The following WDR75 variants were observed in gnomAD, a reference collection of about 807,000 sequenced individuals.
The protein encoded by WDR75 is WD repeat-containing protein 75.
In WDR75, 52 loss-of-function variants were observed where a neutral mutation model predicts 106.1. The ratio of observed to expected loss-of-function variants is 0.49; its 90% CI spans 0.39 to 0.62. WDR75 has a LOEUF of 0.62. Ranked by LOEUF, WDR75 falls within the 20% of genes least tolerant of loss-of-function variation. The pLI, the probability that WDR75 is intolerant of heterozygous loss-of-function variation, is 0.00. For missense variants in WDR75, 905 were observed against 970.3 expected (o/e 0.93, Z 0.89); for synonymous variants, 333 against 335.5 (o/e 0.99, Z 0.08).
intron 11 of WDR75, 82 bp from the exon 12 acceptor site, chr2:189,464,997 A>G: frequency 8.4e-6 from 9 of 1,065,506 alleles, no homozygotes; most frequent in Non-Finnish European, 1.2e-5. Flanking sequence ...GGATGTAGTT[A>G]ATTATCATTT....
At chr2:189,458,717 T>C in intron 6 of WDR75, 36 bp from the exon 7 acceptor site, 2 of 1,496,960 alleles carry the variant, frequency 1.3e-6, no homozygotes, top group Non-Finnish European at 1.8e-6. Context: ...CAAGAGACTT[T>C]AATAATTAAG....
chr2:189,450,423 A>G (rs746864030), intron 2 of WDR75: 1 of 930,592 alleles, frequency 1.1e-6, no homozygotes, highest in Admixed American at 6.2e-5. Flanking sequence ...CAGCGATGTG[A>G]TTGATCTCAG....
chr2:189,444,112 CTATA>C (rs1686444744), intron 1 of WDR75, among the ~76,000 whole-genome samples: 4 of 151,540 alleles, frequency 2.6e-5, no homozygotes, highest in East Asian at 3.9e-4. Context: ...TTTTTGTCAT[CTATA>C]TATAAGCTAA....
intron 5 of WDR75, among the ~76,000 whole-genome samples, chr2:189,456,520 G>A (rs529071113): frequency 2.0e-5 from 3 of 152,076 alleles, no homozygotes; most frequent in African/African-American, 7.2e-5. Context: ...CAGAGGACAA[G>A]CAGAAAAGAG....
At chr2:189,456,634 G>C (rs1221993850) in intron 5 of WDR75, among the ~76,000 whole-genome samples, 1 of 152,118 alleles carries the variant, frequency 6.6e-6, no homozygotes, top group Non-Finnish European at 1.5e-5. Context: ...AGGAATGACT[G>C]TAAAGAGGGA....
At chr2:189,471,923 C>T (rs901369824) in intron 18 of WDR75, among the ~76,000 whole-genome samples, 2 of 152,180 alleles carry the variant, frequency 1.3e-5, no homozygotes, top group South Asian at 2.1e-4. Flanking sequence ...AAATCATTCT[C>T]GCAGAACTTT....
At chr2:189,467,360 T>A in intron 13 of WDR75, 108 bp from the exon 14 acceptor site, 1 of 1,216,778 alleles carries the variant, frequency 8.2e-7, no homozygotes, top group Non-Finnish European at 1.1e-6. Context: ...CCCTAGGAAC[T>A]GAAACCACAG....
At chr2:189,444,412 A>G (rs373242874) in intron 1 of WDR75, among the ~76,000 whole-genome samples, 27 of 152,232 alleles carry the variant, frequency 1.8e-4, no homozygotes, top group Non-Finnish European at 1.5e-5. Context: ...GTGTTCCCAT[A>G]TTAGATATTA....
chr2:189,462,674 T>C (rs2304701), intron 9 of WDR75, 32 bp downstream of exon 9: 287,030 of 1,594,842 alleles, frequency 0.18, 27,737 homozygotes, highest in South Asian at 0.21. Flanking sequence ...TGAGGAAATA[T>C]ATAAACACCA....
At chr2:189,474,580 C>A in intron 19 of WDR75, 137 bp from the exon 20 acceptor site, 1 of 895,692 alleles carries the variant, frequency 1.1e-6, no homozygotes, top group South Asian at 1.8e-5. Context: ...TTTGGTTTGG[C>A]TTTTGTATAG....
rs1214749239 is a variant in WDR75, at chr2:189,474,336, A to G, written c.2196+4A>G. 6.2e-7 allele frequency: 1 copy of G among 1,603,046 alleles called. No homozygotes were observed. The highest frequency in any genetic ancestry group is 2.2e-5 in the East Asian group (1 of 44,804). On this transcript the variant is annotated splice_donor_region_variant and intron_variant, in intron 19 of 20. Coordinates refer to ENST00000314761, the MANE Select transcript of WDR75 (RefSeq NM_032168.3). ...AAACATACCCGCAATTAGTGAGGTA[A>G]GTAATTATGAAAACCATGTGAAACA...
At chr2:189,450,028 T>G (rs1367759348) in intron 2 of WDR75, 2 of 985,138 alleles carry the variant, frequency 2.0e-6, no homozygotes, top group African/African-American at 3.5e-5. Flanking sequence ...GTTAGTAAGG[T>G]CTTCTGGTGC....
intron 18 of WDR75, 85 bp from the exon 19 acceptor site, chr2:189,474,101 T>C: frequency 1.4e-6 from 2 of 1,381,824 alleles, no homozygotes; most frequent in Non-Finnish European, 2.0e-6. Flanking sequence ...CCAGACTTTT[T>C]ATGATTCTGT....
chr2:189,466,417 C>G lies in WDR75; in HGVS notation c.1290-8C>G, dbSNP rs780718201. The stretch of plus-strand genomic sequence containing the variant: ...GCAAGAATAAATTTGTGGTTTCCTT[C>G]CCGCTAGGTTTATTCTTAACACTAA... On this transcript the variant is annotated splice_polypyrimidine_tract_variant and splice_region_variant and intron_variant, in intron 12 of 20. Coordinates refer to ENST00000314761, the MANE Select transcript of WDR75 (RefSeq NM_032168.3). The G allele has an allele frequency of 5.0e-6, 8 of 1,610,676 alleles. No individual in the cohort carries two copies. Among genetic ancestry groups the G allele is most frequent in the Non-Finnish European group, 6.8e-6 (8 of 1,178,446 alleles).
chr2:189,469,489 T>G (rs777657842), intron 16 of WDR75, 50 bp downstream of exon 16: 7 of 1,467,502 alleles, frequency 4.8e-6, no homozygotes, highest in Non-Finnish European at 6.6e-6. Context: ...GACCTAAGTT[T>G]TCTTCTTAAT....
Position 189,445,811 on chromosome 2 carries a change from A to G in WDR75, c.87-2568A>G, listed in dbSNP as rs567831622. 3.3e-4 allele frequency among the ~76,000 whole-genome samples: 50 copies of G among 152,374 alleles called. 1 individual carries two copies. The South Asian group carries it at 8.5e-3, about 26-fold the overall frequency. On this transcript the variant is annotated intron_variant, in intron 1 of 20. Transcript: ENST00000314761. ...AAATTATTTCAAAATTAAAAGTTAA[A>G]AAATAAGCTTACTCTTAGGAAATAA...
chr2:189,472,239 G>A (rs1369568680), intron 18 of WDR75, among the ~76,000 whole-genome samples: 1 of 152,114 alleles, frequency 6.6e-6, no homozygotes, highest in African/African-American at 2.4e-5. Context: ...GAATTGTGGT[G>A]GGGTAGAGAA....
At chr2:189,462,069 G>A (rs976005204) in intron 8 of WDR75, among the ~76,000 whole-genome samples, 7 of 152,116 alleles carry the variant, frequency 4.6e-5, no homozygotes, top group African/African-American at 1.7e-4. Flanking sequence ...AAACTGCGAT[G>A]ACATGATACC....
chr2:189,449,949 G>A (rs1266807316), intron 2 of WDR75: 19 of 984,630 alleles, frequency 1.9e-5, no homozygotes, highest in Non-Finnish European at 1.9e-5. Context: ...CTATAACAAC[G>A]ACAACAAAAT....
Sources: gnomAD v4.1 joint callset for allele counts (sites outside exome capture counted in the v4.1 genomes callset) on GRCh38, gnomAD v4.1.1 for gene constraint, MANE v1.5 for transcripts, NCBI Gene and HGNC (gene_info 2026-07-23, HGNC 2026-07-21) for gene names.